The following POC1A variants were observed in gnomAD, a reference collection of about 807,000 sequenced individuals.
POC1A encodes the protein POC1 centriolar protein homolog A.
Under a neutral mutation model 47.8 loss-of-function variants are expected in POC1A, and 34 were observed. That is an observed-to-expected ratio of 0.71 (90% CI 0.54 to 0.95). The LOEUF is 0.95. Ranked by LOEUF, POC1A falls within the 40% of genes least tolerant of loss-of-function variation. The pLI is 0.00. For missense variants in POC1A, 466 were observed against 528.3 expected, an observed-to-expected ratio of 0.88 and a Z score of 1.16; for synonymous variants, 177 against 207.6, an observed-to-expected ratio of 0.85 and a Z score of 1.27.
intron 10 of POC1A, among the ~76,000 whole-genome samples, chr3:52,081,665 C>G (rs1348720023): frequency 6.6e-6 from 1 of 151,974 alleles, no homozygotes; most frequent in Non-Finnish European, 1.5e-5. Context: ...TGGGGTTGGG[C>G]TCTGCAAGTC....
In POC1A at chr3:52,075,536, A is replaced by C; in HGVS notation, c.*351T>G. ...GTCACATGTCCAAATGATGAGTGAA[A>C]ATCAAGGCATCGTGGAGCCACCTCC... is the stretch of plus-strand genomic sequence containing the variant. On this transcript the variant is annotated 3_prime_UTR_variant, in exon 11 of 11. Coordinates refer to ENST00000296484, the MANE Select transcript of POC1A (RefSeq NM_015426.5). 1 of 198,530 alleles carries C rather than the reference A, an allele frequency of 5.0e-6. No individual in the cohort carries two copies. The highest frequency in any genetic ancestry group is 1.1e-5 in the Non-Finnish European group (1 of 93,390). 12.3% of individuals were successfully genotyped at this position (198,530 alleles called of 1,614,324 possible). A position where few individuals can be genotyped will look rare whatever the true frequency, so the allele number is the denominator to read the frequency against.
At chr3:52,099,966 AC>A (rs1201549354) in intron 9 of POC1A, among the ~76,000 whole-genome samples, 7 of 152,346 alleles carry the variant, frequency 4.6e-5, no homozygotes, top group African/African-American at 1.7e-4. Flanking sequence ...ACATCTTAAT[AC>A]CAAAACAAAA....
At chr3:52,099,922 C>A (rs1702939835) in intron 9 of POC1A, among the ~76,000 whole-genome samples, 1 of 152,150 alleles carries the variant, frequency 6.6e-6, no homozygotes, top group African/African-American at 2.4e-5. Context: ...AGGCCTACAC[C>A]AATTCAACAA....
chr3:52,087,415 C>A (rs969742667), intron 10 of POC1A, among the ~76,000 whole-genome samples: 7 of 152,144 alleles, frequency 4.6e-5, no homozygotes, highest in African/African-American at 1.7e-4. Flanking sequence ...TTTAACCACT[C>A]CCCCTAACCC....
At position 52,121,818 on chromosome 3, in the gene POC1A, T is replaced by C. The variant is rs1703790803; in HGVS notation, c.981+561A>G. On this transcript the variant is annotated intron_variant, in intron 9 of 10. Coordinates refer to ENST00000296484, the MANE Select transcript of POC1A (RefSeq NM_015426.5). Reference sequence around the variant, plus strand: ...ATGAGACTGTATCAGTTATCAATTTTTTTCCCCAAATATTTATCAAAAATA... The same window carrying C: ...ATGAGACTGTATCAGTTATCAATTTCTTTCCCCAAATATTTATCAAAAATA... 2.0e-5 allele frequency among the ~76,000 whole-genome samples: 3 copies of C among 152,226 alleles called. No individual in the cohort carries two copies. In the South Asian group the frequency reaches 6.2e-4, roughly 31 times the overall value.
intron 9 of POC1A, among the ~76,000 whole-genome samples, chr3:52,099,595 A>G (rs1702929151): frequency 1.3e-5 from 2 of 152,238 alleles, no homozygotes; most frequent in South Asian, 4.1e-4. Context: ...TTACACCTGT[A>G]ACCCAACCAC....
chr3:52,093,059 C>T (rs1702697522), intron 10 of POC1A, among the ~76,000 whole-genome samples: 4 of 152,348 alleles, frequency 2.6e-5, no homozygotes, highest in South Asian at 4.1e-4. Context: ...CACTCTACCC[C>T]AGACCCTCAG....
chr3:52,109,443 CA>C (rs1703303727), intron 9 of POC1A, among the ~76,000 whole-genome samples: 1 of 151,824 alleles, frequency 6.6e-6, no homozygotes, highest in Non-Finnish European at 1.5e-5. Flanking sequence ...TTGAAATTTC[CA>C]CAATACAAAG....
intron 7 of POC1A, among the ~76,000 whole-genome samples, chr3:52,131,858 C>T (rs538292847): frequency 6.6e-6 from 1 of 152,262 alleles, no homozygotes; most frequent in African/African-American, 2.4e-5. Context: ...GAAACGCGCG[C>T]CTCCAACCCT....
intron 7 of POC1A, among the ~76,000 whole-genome samples, chr3:52,135,245 G>C (rs990963809): frequency 3.3e-5 from 5 of 152,216 alleles, no homozygotes; most frequent in African/African-American, 1.2e-4. Context: ...AGCCACCTCT[G>C]ATCCTAGCCA....
chr3:52,127,418 T>G, intron 7 of POC1A, among the ~76,000 whole-genome samples: 1 of 151,064 alleles, frequency 6.6e-6, no homozygotes, highest in African/African-American at 2.4e-5. Flanking sequence ...TGAGGCAGAG[T>G]CTCGCTCTGT....
intron 9 of POC1A, among the ~76,000 whole-genome samples, chr3:52,119,029 T>A (rs1325717615): frequency 6.7e-6 from 1 of 150,358 alleles, no homozygotes; most frequent in African/African-American, 2.5e-5. Context: ...TTGTTTACCA[T>A]CACCTCCAGA....
Position 52,145,946 on chromosome 3 carries a change from C to T in POC1A, c.579G>A (p.Val193=). ...TGCACGTCCCACTGGGGTGGAAGTC[C>T]ACATAGGTGACAAAGCTGGAAAGAC... ...YCEHGGFVTY[V]DFHPSGTCIA... is the part of the protein sequence containing the mutation. Residue 193 remains valine (V), a synonymous_variant, in exon 6 of 11, where the codon GTG becomes GTA. Coordinates refer to ENST00000296484, the MANE Select transcript of POC1A (RefSeq NM_015426.5). The T allele has an allele frequency of 6.2e-7, 1 of 1,612,046 alleles. No homozygotes were observed. The highest frequency in any genetic ancestry group is 8.5e-7 in the Non-Finnish European group (1 of 1,178,236).
chr3:52,122,516 A>T, intron 8 of POC1A, 39 bp from the exon 9 acceptor site: 2 of 1,268,138 alleles, frequency 1.6e-6, no homozygotes, highest in East Asian at 4.6e-5. Context: ...AGGAGAAGAA[A>T]ATCCCCTTGC....
At chr3:52,116,592 A>C (rs1577866120) in intron 9 of POC1A, among the ~76,000 whole-genome samples, 2 of 152,098 alleles carry the variant, frequency 1.3e-5, no homozygotes, top group East Asian at 3.9e-4. Context: ...GGGTCTAGAA[A>C]CCTCACTGGC....
intron 6 of POC1A, among the ~76,000 whole-genome samples, chr3:52,143,772 C>T (rs1698275686): frequency 6.6e-6 from 1 of 152,222 alleles, no homozygotes; most frequent in South Asian, 2.1e-4. Context: ...CCCCAGCAGG[C>T]TCTGGACACC....
chr3:52,101,787 A>G (rs1703012519), intron 9 of POC1A, among the ~76,000 whole-genome samples: 1 of 152,230 alleles, frequency 6.6e-6, no homozygotes, highest in South Asian at 2.1e-4. Context: ...GAGAAGAGAG[A>G]GAAATTAGAT....
At chr3:52,096,137 T>C (rs1336347403) in intron 10 of POC1A, among the ~76,000 whole-genome samples, 1 of 152,270 alleles carries the variant, frequency 6.6e-6, no homozygotes, top group Non-Finnish European at 1.5e-5. Flanking sequence ...TAAAGGGATT[T>C]CCCCAAGGTT....
intron 3 of POC1A, among the ~76,000 whole-genome samples, 161 bp downstream of exon 3, chr3:52,149,655 A>T (rs954639868): frequency 2.6e-5 from 4 of 152,168 alleles, no homozygotes; most frequent in Admixed American, 2.6e-4. Context: ...CCCTGAGGGG[A>T]GGGCTCCAAC....
Sources: gnomAD v4.1 joint callset for allele counts (sites outside exome capture counted in the v4.1 genomes callset) on GRCh38, gnomAD v4.1.1 for gene constraint, MANE v1.5 for transcripts, NCBI Gene and HGNC (gene_info 2026-07-23, HGNC 2026-07-21) for gene names.